Variants in PRR16 observed in about 807,000 individuals in gnomAD.
PRR16 encodes the protein proline rich 16, also known as protein Largen.
In PRR16, 6 loss-of-function variants were observed where a neutral mutation model predicts 18.2. That is an observed-to-expected ratio of 0.33 (90% CI 0.18 to 0.65). The LOEUF (loss-of-function observed/expected upper bound fraction) is 0.65. Ranked by LOEUF, PRR16 falls within the 30% of genes least tolerant of loss-of-function variation. The pLI is 0.74. For missense variants in PRR16, 412 were observed against 376.6 expected (o/e 1.09, Z -0.78); for synonymous variants, 151 against 147.8 (o/e 1.02, Z -0.16).
chr5:120,529,664 A>G (rs1751481113), intron 1 of PRR16, among the ~76,000 whole-genome samples: 1 of 152,160 alleles, frequency 6.6e-6, no homozygotes, highest in Non-Finnish European at 1.5e-5. Flanking sequence ...GTGAAATAGG[A>G]CAGGGAAAAA....
At chr5:120,750,162 G>C in the PRR16 span, among the ~76,000 whole-genome samples, 1 of 152,058 alleles carries the variant, frequency 6.6e-6, no homozygotes, top group African/African-American at 2.4e-5. Context: ...CAAATAAGCT[G>C]TTAACTGACT....
chr5:120,485,878 C>T (rs910887556), intron 1 of PRR16, among the ~76,000 whole-genome samples: 5 of 152,094 alleles, frequency 3.3e-5, no homozygotes, highest in African/African-American at 7.2e-5. Flanking sequence ...CAATTCCCAC[C>T]TATGAGTGAG....
At chr5:120,661,047 C>T (rs1756156745) in intron 1 of PRR16, among the ~76,000 whole-genome samples, 1 of 152,030 alleles carries the variant, frequency 6.6e-6, no homozygotes, top group Non-Finnish European at 1.5e-5. Flanking sequence ...TTAAAGTAGT[C>T]CAAGATAGCA....
intron 1 of PRR16, among the ~76,000 whole-genome samples, chr5:120,663,604 G>T (rs1756253718): frequency 6.6e-6 from 1 of 152,064 alleles, no homozygotes; most frequent in African/African-American, 2.4e-5. Flanking sequence ...AGTAGACTTT[G>T]TACTTTAGCT....
At chr5:120,634,030 C>A (rs1420952891) in intron 1 of PRR16, among the ~76,000 whole-genome samples, 1 of 151,970 alleles carries the variant, frequency 6.6e-6, no homozygotes. Context: ...AGATAAGCCA[C>A]AAAACAAGTC....
the PRR16 span, among the ~76,000 whole-genome samples, chr5:120,706,007 TAACA>T: frequency 6.6e-6 from 1 of 152,204 alleles, no homozygotes; most frequent in Admixed American, 6.5e-5. Context: ...CATTGTGCTT[TAACA>T]GTCATATAAC....
At chr5:120,656,042 A>T (rs1346027144) in intron 1 of PRR16, among the ~76,000 whole-genome samples, 2 of 151,822 alleles carry the variant, frequency 1.3e-5, no homozygotes, top group African/African-American at 4.8e-5. Flanking sequence ...CCAAATTCCA[A>T]CTGGGACTTG....
the PRR16 span, among the ~76,000 whole-genome samples, chr5:120,696,222 A>C: frequency 6.6e-6 from 1 of 152,302 alleles, no homozygotes; most frequent in Middle Eastern, 3.4e-3. Flanking sequence ...AGCCTGAGTG[A>C]CAGAGTGAGG....
intron 1 of PRR16, among the ~76,000 whole-genome samples, chr5:120,672,003 A>G (rs894995882): frequency 1.2e-4 from 19 of 152,172 alleles, no homozygotes. Flanking sequence ...TTCAACATAT[A>G]TTCTTATTCT....
chr5:120,618,254 A>G (rs992977126), intron 1 of PRR16, among the ~76,000 whole-genome samples: 1 of 152,080 alleles, frequency 6.6e-6, no homozygotes, highest in Non-Finnish European at 1.5e-5. Context: ...GTTTTTCTTT[A>G]ATCAGTTGCA....
chr5:120,542,677 T>C (rs565717000), intron 1 of PRR16, among the ~76,000 whole-genome samples: 1 of 152,282 alleles, frequency 6.6e-6, no homozygotes, highest in African/African-American at 2.4e-5. Flanking sequence ...TCTATGTCAG[T>C]AATGAGAAGA....
chr5:120,578,818 G>A (rs1753166581), intron 1 of PRR16, among the ~76,000 whole-genome samples: 1 of 152,106 alleles, frequency 6.6e-6, no homozygotes, highest in Non-Finnish European at 1.5e-5. Flanking sequence ...TTGAGGAATT[G>A]CCATACTGTC....
At chr5:120,734,003 T>A in the PRR16 span, among the ~76,000 whole-genome samples, 1 of 152,176 alleles carries the variant, frequency 6.6e-6, no homozygotes, top group African/African-American at 2.4e-5. Flanking sequence ...GAAAAAAAAA[T>A]CTACTTATTC....
At chr5:120,539,649 C>G (rs927562020) in intron 1 of PRR16, among the ~76,000 whole-genome samples, 1 of 151,618 alleles carries the variant, frequency 6.6e-6, no homozygotes, top group African/African-American at 2.4e-5. Flanking sequence ...GCACATGTGC[C>G]CCTTGAACCT....
At chr5:120,765,056 T>A in the PRR16 span, among the ~76,000 whole-genome samples, 1 of 152,188 alleles carries the variant, frequency 6.6e-6, no homozygotes, top group East Asian at 1.9e-4. Context: ...ATATCCTCTG[T>A]CTTTTGAAAC....
chr5:120,581,487 T>A (rs1368045191), intron 1 of PRR16, among the ~76,000 whole-genome samples: 2 of 152,170 alleles, frequency 1.3e-5, no homozygotes, highest in East Asian at 3.9e-4. Context: ...ATTCGTTGAT[T>A]TTTTGGAGGT....
chr5:120,738,692 C>G, the PRR16 span, among the ~76,000 whole-genome samples: 1 of 152,118 alleles, frequency 6.6e-6, no homozygotes, highest in Non-Finnish European at 1.5e-5. Context: ...AAAATTTGGC[C>G]TATTATCTTG....
intron 1 of PRR16, among the ~76,000 whole-genome samples, chr5:120,584,397 G>T (rs757618497): frequency 6.6e-6 from 1 of 152,098 alleles, no homozygotes; most frequent in Non-Finnish European, 1.5e-5. Context: ...TATAATTCTA[G>T]CTAAATATAG....
At chr5:120,599,668 G>T (rs1395764624) in intron 1 of PRR16, among the ~76,000 whole-genome samples, 1 of 151,586 alleles carries the variant, frequency 6.6e-6, no homozygotes, top group Non-Finnish European at 1.5e-5. Flanking sequence ...ATGTATTATC[G>T]TTTTCTGAGT....
Sources: allele counts gnomAD v4.1 joint callset (sites outside exome capture counted in the v4.1 genomes callset), GRCh38; gene constraint gnomAD v4.1.1; transcripts MANE v1.5; gene names NCBI Gene and HGNC (gene_info 2026-07-23, HGNC 2026-07-21).